KAZN: variants seen among roughly 807,000 people sequenced by gnomAD.
KAZN encodes kazrin.
KAZN carries 40 observed loss-of-function variants against 87.4 expected under a neutral mutation model. The observed-to-expected ratio is 0.46, with a 90% confidence interval of 0.36 to 0.60. The LOEUF (loss-of-function observed/expected upper bound fraction) is 0.60, where lower values mean the gene tolerates loss of function less well. KAZN is among the 20% of genes least tolerant of loss of function. The probability of loss-of-function intolerance (pLI) is 0.00; values close to 1 mark genes in which losing one functional copy is unlikely to be tolerated. For missense variants in KAZN, 898 were observed against 1,073.9 expected, an observed-to-expected ratio of 0.84 and a Z score of 2.29; for synonymous variants, 466 against 458.3, an observed-to-expected ratio of 1.02 and a Z score of -0.22.
intron 4 of KAZN, among the ~76,000 whole-genome samples, chr1:15,052,081 A>G (rs1358379896): frequency 6.6e-6 from 1 of 152,186 alleles, no homozygotes; most frequent in Non-Finnish European, 1.5e-5. Context: ...TTAGTGGAAG[A>G]GATTAGTCAG....
intron 1 of KAZN, among the ~76,000 whole-genome samples, chr1:14,772,529 A>G (rs1293847356): frequency 8.4e-5 from 10 of 118,894 alleles, no homozygotes; most frequent in East Asian, 5.9e-4. Context: ...GATTGAGAAA[A>G]AAAAAAAAAA....
intron 1 of KAZN, among the ~76,000 whole-genome samples, chr1:14,715,801 G>C (rs939017195): frequency 2.6e-5 from 4 of 152,184 alleles, no homozygotes; most frequent in African/African-American, 9.6e-5. Context: ...TCTCCGAAGA[G>C]TGAAACTATC....
intron 2 of KAZN, among the ~76,000 whole-genome samples, chr1:14,267,874 C>T (rs1651616606): frequency 6.6e-6 from 1 of 152,156 alleles, no homozygotes; most frequent in African/African-American, 2.4e-5. Context: ...GCAGGAGAAT[C>T]ACTTGAACCC....
At chr1:14,875,494 A>G (rs187749392) in intron 1 of KAZN, among the ~76,000 whole-genome samples, 63 of 151,080 alleles carry the variant, frequency 4.2e-4, no homozygotes, top group East Asian at 1.6e-3. Context: ...AAAAAAAAAA[A>G]AAAGAAAAAA....
intron 2 of KAZN, among the ~76,000 whole-genome samples, chr1:14,405,380 C>T (rs72870814): frequency 3.0e-4 from 46 of 152,220 alleles, no homozygotes; most frequent in Middle Eastern, 3.4e-3. Flanking sequence ...TCAGGAAAGC[C>T]TGTACATTGA....
intron 1 of KAZN, among the ~76,000 whole-genome samples, chr1:14,921,808 T>C (rs1045351533): frequency 5.3e-5 from 8 of 152,216 alleles, no homozygotes; most frequent in African/African-American, 1.7e-4. Flanking sequence ...CCCTCCTAGG[T>C]TCAAGTGATT....
chr1:15,011,911 A>C (rs969837475), intron 2 of KAZN, among the ~76,000 whole-genome samples: 2 of 152,050 alleles, frequency 1.3e-5, no homozygotes, highest in Non-Finnish European at 2.9e-5. Flanking sequence ...CAGAGCCTCC[A>C]AGCCCCCTCC....
At chr1:14,889,398 T>G (rs184382011) in intron 1 of KAZN, among the ~76,000 whole-genome samples, 152 of 152,348 alleles carry the variant, frequency 1.0e-3, no homozygotes, top group African/African-American at 3.6e-3. Flanking sequence ...GTAAAATGGA[T>G]GCACTATAGC....
chr1:13,930,483 C>A (rs1640467039), intron 1 of KAZN, among the ~76,000 whole-genome samples: 1 of 152,188 alleles, frequency 6.6e-6, no homozygotes, highest in Non-Finnish European at 1.5e-5. Context: ...ACAATGGAAT[C>A]TACTAAGCCA....
At chr1:14,725,838 G>C (rs1188542224) in intron 1 of KAZN, among the ~76,000 whole-genome samples, 1 of 152,184 alleles carries the variant, frequency 6.6e-6, no homozygotes, top group Non-Finnish European at 1.5e-5. Flanking sequence ...GCCTCTGCAA[G>C]TCTAGCAGGT....
intron 2 of KAZN, among the ~76,000 whole-genome samples, chr1:14,991,307 A>G (rs12732929): frequency 0.37 from 56,773 of 151,650 alleles, 11,532 homozygotes; most frequent in African/African-American, 0.53. Flanking sequence ...GTGAGCCTAG[A>G]TCGCACCACT....
Position 14,296,348 on chromosome 1 carries a change from G to A in KAZN, c.249+115756G>A, listed in dbSNP as rs1239983551. 2.6e-5 allele frequency among the ~76,000 whole-genome samples: 4 copies of A among 152,288 alleles called. No homozygotes were observed. In the East Asian group the frequency reaches 7.7e-4, roughly 29 times the overall value. On this transcript the variant is annotated intron_variant, in intron 2 of 16. Coordinates refer to the KAZN transcript ENST00000636203. ...AAAGGCCCCAGTGGGTAAGAGATTA[G>A]GCTTCTGCATCAGCCTGTCTGGGCC...
chr1:15,046,040 G>A (rs1021554127), intron 4 of KAZN, among the ~76,000 whole-genome samples: 7 of 152,228 alleles, frequency 4.6e-5, no homozygotes, highest in Non-Finnish European at 8.8e-5. Flanking sequence ...GCTCATGCCT[G>A]TAATCGCAGC....
At chr1:13,946,861 G>A (rs951038978) in intron 1 of KAZN, among the ~76,000 whole-genome samples, 2 of 151,486 alleles carry the variant, frequency 1.3e-5, no homozygotes, top group East Asian at 1.9e-4. Context: ...CTGCTGTTAC[G>A]AATGACCACA....
intron 2 of KAZN, among the ~76,000 whole-genome samples, chr1:14,323,873 C>G (rs1429456206): frequency 6.6e-6 from 1 of 152,134 alleles, no homozygotes; most frequent in Admixed American, 6.5e-5. Flanking sequence ...TTTTATTGCT[C>G]TATGACTTTA....
intron 1 of KAZN, among the ~76,000 whole-genome samples, chr1:14,861,598 G>C (rs1650862615): frequency 6.6e-6 from 1 of 152,078 alleles, no homozygotes; most frequent in Non-Finnish European, 1.5e-5. Flanking sequence ...CTTCCTTCCA[G>C]GGAATTACCC....
intron 1 of KAZN, among the ~76,000 whole-genome samples, chr1:14,665,932 C>CAAAAAAAAAAAAAAAAAAAAAA (rs60081619): frequency 9.3e-6 from 1 of 108,044 alleles, no homozygotes; most frequent in African/African-American, 3.7e-5. Flanking sequence ...AAGCTTTGCT[C>CAAAAAAAAAAAAAAAAAAAAAA]AAAAAAAAAA....
At chr1:14,727,719 G>A (rs1269832346) in intron 1 of KAZN, among the ~76,000 whole-genome samples, 1 of 151,426 alleles carries the variant, frequency 6.6e-6, no homozygotes, top group Non-Finnish European at 1.5e-5. Flanking sequence ...GCCCACCACG[G>A]CCTCCCTAAG....
chr1:14,628,496 GCA>G lies in KAZN; in HGVS notation c.226+29276_226+29277del, dbSNP rs536193759. On this transcript the variant is annotated intron_variant, in intron 1 of 14. Transcript: ENST00000376030. ...AGTTAAATGGAACTGTTCTCTGGAA[GCA>G]CAGAGACATGAAATGCTTCAAATGT... 1.6e-3 allele frequency among the ~76,000 whole-genome samples: 245 copies of G among 152,286 alleles called. 1 individual carries two copies. The highest frequency in any genetic ancestry group is 2.8e-3 in the Admixed American group (43 of 15,302).
Sources: gnomAD v4.1 joint callset for allele counts (sites outside exome capture counted in the v4.1 genomes callset) on GRCh38, gnomAD v4.1.1 for gene constraint, MANE v1.5 for transcripts, NCBI Gene and HGNC (gene_info 2026-07-23, HGNC 2026-07-21) for gene names.